The following OSBP2 variants were observed in gnomAD, a reference collection of about 807,000 sequenced individuals.
The protein encoded by OSBP2 is oxysterol-binding protein 2.
In OSBP2, 66 loss-of-function variants were observed where a neutral mutation model predicts 96.0. That is an observed-to-expected ratio of 0.69 (90% confidence interval 0.56 to 0.84). The LOEUF is 0.84. Among genes scored for constraint, OSBP2 ranks in the 40% least tolerant of loss-of-function variants. The probability of loss-of-function intolerance (pLI) is 0.00; values close to 1 mark genes in which losing one functional copy is unlikely to be tolerated. For missense variants in OSBP2, 1,038 were observed against 1,222.7 expected (o/e 0.85, Z 2.25); for synonymous variants, 525 against 520.9 (o/e 1.01, Z -0.11).
At chr22:30,780,790 A>G (rs774003228) in intron 2 of OSBP2, among the ~76,000 whole-genome samples, 2 of 152,046 alleles carry the variant, frequency 1.3e-5, no homozygotes, top group African/African-American at 4.8e-5. Flanking sequence ...GAGCCACCCC[A>G]CCTGGCCTAC....
At position 30,746,997 on chromosome 22, in the gene OSBP2, G is replaced by A. The variant is rs557576920; in HGVS notation, c.853+5628G>A. Reference sequence around the variant, plus strand: ...ACCAAGTGGGACTTACCCCAGGAGTGGAAGGGTAGTTCAACAACAACCAAA... The same window carrying A: ...ACCAAGTGGGACTTACCCCAGGAGTAGAAGGGTAGTTCAACAACAACCAAA... On this transcript the variant is annotated intron_variant, in intron 2 of 13. Transcript: ENST00000332585. Among the ~76,000 whole-genome samples, 24 of 152,306 alleles carry A rather than the reference G, an allele frequency of 1.6e-4. No individual in the cohort carries two copies. In the East Asian group the frequency reaches 4.0e-3, roughly 26 times the overall value.
intron 2 of OSBP2, among the ~76,000 whole-genome samples, chr22:30,791,218 C>T (rs573119292): frequency 3.3e-5 from 5 of 152,030 alleles, no homozygotes; most frequent in African/African-American, 9.6e-5. Flanking sequence ...GTGATCCACC[C>T]GCCTAGGCCT....
At chr22:30,820,831 A>C (rs2038257272) in intron 2 of OSBP2, among the ~76,000 whole-genome samples, 1 of 152,208 alleles carries the variant, frequency 6.6e-6, no homozygotes, top group Non-Finnish European at 1.5e-5. Context: ...CTGCCCGGCC[A>C]GTGAATCTAA....
At chr22:30,735,360 ACTT>A (rs2089833691) in intron 1 of OSBP2, among the ~76,000 whole-genome samples, 1 of 148,518 alleles carries the variant, frequency 6.7e-6, no homozygotes, top group Non-Finnish European at 1.5e-5. Context: ...ATTTTTATCA[ACTT>A]CTATTTCATT....
At chr22:30,831,195 T>G (rs904071789) in intron 2 of OSBP2, among the ~76,000 whole-genome samples, 1 of 152,098 alleles carries the variant, frequency 6.6e-6, no homozygotes, top group Non-Finnish European at 1.5e-5. Flanking sequence ...TTGGGGCGGG[T>G]GTGGACAACA....
intron 1 of OSBP2, among the ~76,000 whole-genome samples, chr22:30,697,712 G>C (rs140539691): frequency 6.6e-6 from 1 of 152,178 alleles, no homozygotes; most frequent in Non-Finnish European, 1.5e-5. Flanking sequence ...GTGTGTGTGC[G>C]TGTACAGTCC....
At chr22:30,707,287 A>G (rs1301173497) in intron 1 of OSBP2, among the ~76,000 whole-genome samples, 2 of 152,082 alleles carry the variant, frequency 1.3e-5, no homozygotes, top group Non-Finnish European at 2.9e-5. Flanking sequence ...AGTAGAGACA[A>G]GGTTTCACCA....
At chr22:30,857,461 C>T (rs951671682) in intron 2 of OSBP2, among the ~76,000 whole-genome samples, 12 of 152,216 alleles carry the variant, frequency 7.9e-5, no homozygotes, top group Non-Finnish European at 1.8e-4. Context: ...GAAATAGTCG[C>T]GACCGATATG....
At chr22:30,811,086 A>T (rs1404035532) in intron 2 of OSBP2, among the ~76,000 whole-genome samples, 1 of 151,900 alleles carries the variant, frequency 6.6e-6, no homozygotes, top group South Asian at 2.1e-4. Context: ...CTCCCTAGAG[A>T]TATACTCACC....
intron 2 of OSBP2, among the ~76,000 whole-genome samples, chr22:30,786,421 C>CA (rs2090591195): frequency 6.6e-6 from 1 of 152,018 alleles, no homozygotes; most frequent in Non-Finnish European, 1.5e-5. Flanking sequence ...TCATGGAAAA[C>CA]AAAAATCAAT....
Position 30,881,564 on chromosome 22 carries a change from G to T in OSBP2, c.1108-5862G>T, listed in dbSNP as rs2039704044. 2.3e-6 allele frequency: 2 copies of T among 882,016 alleles called. No homozygotes were observed. The highest frequency in any genetic ancestry group is 3.5e-5 in the African/African-American group (2 of 57,002). The allele number at this position is 882,016 out of a possible 1,614,324, so 54.6% of individuals were successfully genotyped here. The stretch of plus-strand genomic sequence containing the variant: ...CTCAGAGAAATGAGACCACGTTCAG[G>T]CCTGGGCTGGGTCAGCCAGGCCCTC... On this transcript the variant is annotated intron_variant, in intron 3 of 13. Transcript: ENST00000332585. This position sits in a 1 kb window ranked among gnomAD's most constrained non-coding sequence, Gnocchi z 4.5.
intron 1 of OSBP2, among the ~76,000 whole-genome samples, chr22:30,707,029 G>A (rs2145678392): frequency 6.6e-6 from 1 of 152,080 alleles, no homozygotes; most frequent in East Asian, 1.9e-4. Flanking sequence ...ATAGGGCCAT[G>A]TCTTCTCAAT....
intron 1 of OSBP2, among the ~76,000 whole-genome samples, chr22:30,740,002 C>A (rs147195845): frequency 8.5e-5 from 13 of 152,110 alleles, no homozygotes; most frequent in African/African-American, 3.1e-4. Flanking sequence ...AGAGCCACCA[C>A]GCCCAGCTAA....
At chr22:30,699,342 T>C (rs2089119429) in intron 1 of OSBP2, among the ~76,000 whole-genome samples, 2 of 152,210 alleles carry the variant, frequency 1.3e-5, no homozygotes, top group African/African-American at 4.8e-5. Flanking sequence ...AAGTCCAGGG[T>C]GCAAATGTAG....
intron 1 of OSBP2, among the ~76,000 whole-genome samples, chr22:30,725,556 A>AAC (rs1569097961): frequency 1.4e-5 from 2 of 147,206 alleles, no homozygotes; most frequent in Admixed American, 6.8e-5. Context: ...AAAAAAAAAA[A>AAC]CACACAAAAA....
chr22:30,888,420 G>A (rs1174307942), intron 5 of OSBP2, 80 bp downstream of exon 5: 10 of 883,066 alleles, frequency 1.1e-5, no homozygotes, highest in African/African-American at 6.6e-5. Flanking sequence ...CTATCTAGTT[G>A]TCTACTTGGG....
At chr22:30,697,652 G>A (rs1054859093) in intron 1 of OSBP2, among the ~76,000 whole-genome samples, 1 of 152,204 alleles carries the variant, frequency 6.6e-6, no homozygotes, top group Non-Finnish European at 1.5e-5. Context: ...ATAATGTTGT[G>A]AAGATAAATG....
intron 9 of OSBP2, 85 bp from the exon 10 acceptor site, chr22:30,893,378 A>G: frequency 1.3e-6 from 2 of 1,528,620 alleles, no homozygotes; most frequent in Non-Finnish European, 1.8e-6. Flanking sequence ...CCCCCAGCCT[A>G]GTTCTCAAGA....
chr22:30,896,972 T>C (rs891578802), intron 12 of OSBP2, among the ~76,000 whole-genome samples: 7 of 152,198 alleles, frequency 4.6e-5, no homozygotes, highest in African/African-American at 1.7e-4. Context: ...AAAATCCAGA[T>C]ACCCAGACCT....
Sources: gnomAD v4.1 joint callset for allele counts (sites outside exome capture counted in the v4.1 genomes callset) on GRCh38, gnomAD v4.1.1 for gene constraint, Gnocchi (gnomAD v3.1) non-coding constraint, MANE v1.5 for transcripts, NCBI Gene and HGNC (gene_info 2026-07-23, HGNC 2026-07-21) for gene names.